The following MCF2L2 variants were observed in gnomAD, a reference collection of about 807,000 sequenced individuals.
The protein encoded by MCF2L2 is probable guanine nucleotide exchange factor MCF2L2.
MCF2L2 carries 102 observed loss-of-function variants against 150.2 expected under a neutral mutation model. The observed-to-expected ratio is 0.68, with a 90% CI of 0.58 to 0.80. The LOEUF (loss-of-function observed/expected upper bound fraction) is 0.80. Ranked by LOEUF, MCF2L2 falls within the 30% of genes least tolerant of loss-of-function variation. The pLI is 0.00. For missense variants in MCF2L2, 1,256 were observed against 1,372.8 expected, an observed-to-expected ratio of 0.91 and a Z score of 1.34; for synonymous variants, 465 against 491.3, an observed-to-expected ratio of 0.95 and a Z score of 0.71.
chr3:183,385,274 A>G (rs1713766629), intron 2 of MCF2L2, among the ~76,000 whole-genome samples: 1 of 152,222 alleles, frequency 6.6e-6, no homozygotes, highest in Non-Finnish European at 1.5e-5. Flanking sequence ...TATTTCTATT[A>G]AACAGTCCTG....
intron 3 of MCF2L2, among the ~76,000 whole-genome samples, chr3:183,367,650 A>T (rs144280822): frequency 1.3e-5 from 2 of 152,374 alleles, no homozygotes; most frequent in Non-Finnish European, 2.9e-5. Context: ...AACATGAAGG[A>T]CAAGCATAGA....
At chr3:183,234,883 T>G (rs1370202858) in intron 15 of MCF2L2, among the ~76,000 whole-genome samples, 1 of 114,352 alleles carries the variant, frequency 8.7e-6, no homozygotes, top group Admixed American at 9.2e-5. Flanking sequence ...GAGTGTGATA[T>G]TCCCCTTCCT....
At chr3:183,378,103 A>G (rs1713296364) in intron 3 of MCF2L2, 1 of 152,236 alleles carries the variant, frequency 6.6e-6, no homozygotes, top group African/African-American at 2.4e-5. Context: ...CCTAATCTCC[A>G]CAAGTGGTAT....
intron 15 of MCF2L2, among the ~76,000 whole-genome samples, chr3:183,241,175 G>C (rs955904866): frequency 2.6e-5 from 4 of 152,224 alleles, no homozygotes; most frequent in African/African-American, 9.6e-5. Flanking sequence ...GTTGAGTGAA[G>C]TTTAAGCAGA....
chr3:183,402,558 T>C (rs772342079), intron 1 of MCF2L2, among the ~76,000 whole-genome samples: 9 of 151,272 alleles, frequency 5.9e-5, no homozygotes, highest in Non-Finnish European at 1.3e-4. Context: ...TCCTAGCACA[T>C]TGAGAGGCTG....
intron 3 of MCF2L2, among the ~76,000 whole-genome samples, chr3:183,348,958 A>T (rs1035458349): frequency 6.6e-6 from 1 of 152,242 alleles, no homozygotes; most frequent in African/African-American, 2.4e-5. Context: ...TAGAACAAGC[A>T]GCCAAAAATT....
intron 22 of MCF2L2, among the ~76,000 whole-genome samples, chr3:183,208,961 A>C (rs1187840610): frequency 6.6e-6 from 1 of 152,128 alleles, no homozygotes; most frequent in Non-Finnish European, 1.5e-5. Flanking sequence ...TCCTATGTTA[A>C]TTTTCTATTT....
At chr3:183,362,402 CTCT>C (rs1712265484) in intron 3 of MCF2L2, among the ~76,000 whole-genome samples, 1 of 152,066 alleles carries the variant, frequency 6.6e-6, no homozygotes, top group Non-Finnish European at 1.5e-5. Flanking sequence ...CACACCCAGC[CTCT>C]TGTCTCAAGA....
intron 15 of MCF2L2, among the ~76,000 whole-genome samples, chr3:183,241,728 G>A (rs1243523382): frequency 1.3e-5 from 2 of 152,186 alleles, no homozygotes; most frequent in Non-Finnish European, 1.5e-5. Context: ...TGGTAGAGTG[G>A]GGTGCTGCAG....
At chr3:183,199,332 C>A (rs2108640395) in intron 25 of MCF2L2, among the ~76,000 whole-genome samples, 1 of 152,306 alleles carries the variant, frequency 6.6e-6, no homozygotes, top group South Asian at 2.1e-4. Context: ...AGACTTTCCA[C>A]ATGAAACTGG....
intron 5 of MCF2L2, among the ~76,000 whole-genome samples, chr3:183,324,468 A>T (rs1474991132): frequency 3.3e-5 from 5 of 152,176 alleles, no homozygotes; most frequent in Non-Finnish European, 7.3e-5. Flanking sequence ...CTCCCTGTTG[A>T]TTATTTTGAA....
chr3:183,291,189 T>C (rs1385685954), intron 13 of MCF2L2, among the ~76,000 whole-genome samples: 1 of 152,224 alleles, frequency 6.6e-6, no homozygotes, highest in Non-Finnish European at 1.5e-5. Flanking sequence ...GCATGCACTA[T>C]AATTTGTGAC....
At chr3:183,341,392 T>C (rs377251544) in intron 4 of MCF2L2, 148 bp downstream of exon 4, 2 of 646,640 alleles carry the variant, frequency 3.1e-6, no homozygotes, top group Non-Finnish European at 2.8e-6. Flanking sequence ...GCAGAGGAGA[T>C]AGGGATGTGA....
At chr3:183,240,449 C>A (rs1210332724) in intron 15 of MCF2L2, among the ~76,000 whole-genome samples, 2 of 152,200 alleles carry the variant, frequency 1.3e-5, no homozygotes, top group Admixed American at 6.6e-5. Flanking sequence ...GAACTCCTGA[C>A]CTCAGGTGAT....
Position 183,305,511 on chromosome 3 carries a change from ATGTG to A in MCF2L2, c.1113+4201_1113+4204del, listed in dbSNP as rs1729053113. On this transcript the variant is annotated intron_variant, in intron 10 of 29. Transcript: ENST00000328913. This position sits in a 1 kb window ranked among gnomAD's most constrained non-coding sequence, Gnocchi z 4.1. ...AGACATTTGAGATGTTAGAGGGAAG[ATGTG>A]TGTAACAGGTCCAAATGGGTCTAGG... Among the ~76,000 whole-genome samples the A allele has an allele frequency of 6.6e-6, 1 of 152,150 alleles. No individual in the cohort carries two copies.
At chr3:183,269,749 G>A in intron 15 of MCF2L2, 7 of 1,517,856 alleles carry the variant, frequency 4.6e-6, no homozygotes, top group Non-Finnish European at 6.2e-6. Context: ...TCTCGAAGAA[G>A]CCCGTGCCTG....
In MCF2L2 at chr3:183,243,345, G is replaced by T. The variant is rs1054286816; in HGVS notation, c.1863-12328C>A. On this transcript the variant is annotated intron_variant, in intron 15 of 29. Transcript: ENST00000328913. ...ACACATCCCCATTCTAAGTTGCAGG[G>T]TCCCATTCTTTTCCAATCAATGCCC... Among the ~76,000 whole-genome samples, 3 of 152,174 alleles carry T rather than the reference G, an allele frequency of 2.0e-5. 1 individual carries two copies. The South Asian group carries it at 6.2e-4, about 32-fold the overall frequency.
intron 5 of MCF2L2, among the ~76,000 whole-genome samples, chr3:183,328,887 C>A (rs1730156639): frequency 6.6e-6 from 1 of 152,056 alleles, no homozygotes; most frequent in Non-Finnish European, 1.5e-5. Flanking sequence ...AGAAGCATCA[C>A]CAAAGAACAT....
In MCF2L2 at chr3:183,270,285, G is replaced by A. The variant is rs1429424457; in HGVS notation, c.1862+6587C>T. 2 of 1,614,144 alleles carry A rather than the reference G, an allele frequency of 1.2e-6. No individual in the cohort carries two copies. Among genetic ancestry groups the A allele is most frequent in the Non-Finnish European group, 1.7e-6 (2 of 1,180,020 alleles). ...TGATATAATTCAGCAAGACTTTGTT[G>A]ATTCTTTCTACAATCTTACTCTGAA... On this transcript the variant is annotated intron_variant, in intron 15 of 29. Coordinates refer to ENST00000328913, the MANE Select transcript of MCF2L2 (RefSeq NM_015078.4). The surrounding 1 kb of genome is among the most constrained non-coding windows in gnomAD (Gnocchi z 4.5).
Sources: allele counts gnomAD v4.1 joint callset (sites outside exome capture counted in the v4.1 genomes callset), GRCh38; gene constraint gnomAD v4.1.1; non-coding constraint Gnocchi (gnomAD v3.1); transcripts MANE v1.5; gene names NCBI Gene and HGNC (gene_info 2026-07-23, HGNC 2026-07-21).